Variants in ROBO2 observed in about 807,000 individuals in gnomAD.
ROBO2 encodes the protein roundabout guidance receptor 2.
A neutral mutation model predicts 160.8 loss-of-function variants in ROBO2; 53 were observed. The observed-to-expected ratio is 0.33, with a 90% CI of 0.26 to 0.41. ROBO2 has a LOEUF of 0.41. Among genes scored for constraint, ROBO2 ranks in the 10% least tolerant of loss-of-function variants. ROBO2 has a pLI of 1.00. For synonymous variants in ROBO2, 664 were observed against 611.7 expected (o/e 1.09, Z -1.26); for missense variants, 1,577 against 1,722.4 (o/e 0.92, Z 1.49).
intron 2 of ROBO2, among the ~76,000 whole-genome samples, chr3:76,310,536 C>T (rs917204988): frequency 3.9e-5 from 6 of 152,122 alleles, no homozygotes; most frequent in Admixed American, 6.5e-5. Context: ...TGTTGTTCAT[C>T]TAATAAATAT....
chr3:76,072,867 A>G (rs1037191056), intron 2 of ROBO2, among the ~76,000 whole-genome samples: 17 of 152,354 alleles, frequency 1.1e-4, no homozygotes, highest in African/African-American at 4.1e-4. Context: ...TACAAAGTTG[A>G]CAGTTGTTTC....
intron 2 of ROBO2, among the ~76,000 whole-genome samples, chr3:76,153,010 T>G (rs1020372658): frequency 6.6e-6 from 1 of 152,168 alleles, no homozygotes; most frequent in East Asian, 1.9e-4. Flanking sequence ...CAGTGATGAT[T>G]ATAATATGAT....
chr3:77,309,556 G>A lies in ROBO2; in HGVS notation c.389-167858G>A, dbSNP rs1580938640. 2.0e-5 allele frequency among the ~76,000 whole-genome samples: 3 copies of A among 152,326 alleles called. No homozygotes were observed. In the South Asian group the frequency reaches 6.2e-4, roughly 32 times the overall value. The stretch of plus-strand genomic sequence containing the variant: ...AAAGTCTCATAATTAGGGTTGCCAA[G>A]TTTAGTACATAAAAATACTTGTATT... On this transcript the variant is annotated intron_variant, in intron 2 of 25. Coordinates refer to ENST00000461745, the Ensembl canonical transcript of ROBO2.
chr3:76,988,200 C>T (rs2060487691), intron 2 of ROBO2, among the ~76,000 whole-genome samples: 1 of 152,014 alleles, frequency 6.6e-6, no homozygotes, highest in South Asian at 2.1e-4. Context: ...AAAGGTAAGG[C>T]TTTTTTGCAG....
chr3:76,318,237 A>G (rs2072211255), intron 2 of ROBO2, among the ~76,000 whole-genome samples: 1 of 152,172 alleles, frequency 6.6e-6, no homozygotes, highest in African/African-American at 2.4e-5. Flanking sequence ...CACTCTTATC[A>G]AAAGTGGGGA....
intron 2 of ROBO2, among the ~76,000 whole-genome samples, chr3:76,854,042 CTCT>C (rs2069738653): frequency 1.0e-4 from 9 of 89,166 alleles, no homozygotes; most frequent in African/African-American, 3.5e-4. Context: ...CTCTCTCTCT[CTCT>C]CTCTCTCTCT....
At chr3:76,621,395 T>A (rs1322438072) in intron 2 of ROBO2, among the ~76,000 whole-genome samples, 1 of 152,240 alleles carries the variant, frequency 6.6e-6, no homozygotes, top group Admixed American at 6.5e-5. Flanking sequence ...CATTATGTGC[T>A]GAAAATGGTT....
intron 2 of ROBO2, among the ~76,000 whole-genome samples, chr3:76,834,663 G>C (rs1267352499): frequency 6.6e-6 from 1 of 152,068 alleles, no homozygotes; most frequent in Non-Finnish European, 1.5e-5. Flanking sequence ...ATTGCATCTG[G>C]CCTAATTTTT....
intron 2 of ROBO2, among the ~76,000 whole-genome samples, chr3:77,145,876 G>T (rs758912914): frequency 1.6e-4 from 24 of 152,070 alleles, no homozygotes; most frequent in Non-Finnish European, 3.5e-4. Flanking sequence ...CTGTTTGTTG[G>T]TTGAACATTG....
intron 2 of ROBO2, among the ~76,000 whole-genome samples, chr3:77,211,359 A>T (rs866952477): frequency 1.3e-5 from 2 of 152,140 alleles, no homozygotes; most frequent in African/African-American, 4.8e-5. Flanking sequence ...GCATTTTTTC[A>T]TGTGTCTTTT....
intron 2 of ROBO2, among the ~76,000 whole-genome samples, chr3:76,174,831 G>C (rs779106935): frequency 6.6e-6 from 1 of 152,104 alleles, no homozygotes; most frequent in Admixed American, 6.6e-5. Context: ...GCTTAGGATT[G>C]TCTTGGCTAT....
chr3:77,302,068 A>G (rs72895186), intron 2 of ROBO2, among the ~76,000 whole-genome samples: 5,687 of 151,798 alleles, frequency 0.037, 347 homozygotes, highest in African/African-American at 0.13. Context: ...ACACCTGACT[A>G]ACTAAAGAAC....
At chr3:76,357,912 A>G (rs573014672) in intron 2 of ROBO2, among the ~76,000 whole-genome samples, 233 of 150,354 alleles carry the variant, frequency 1.5e-3, no homozygotes, top group African/African-American at 5.3e-3. Context: ...ATATATATAA[A>G]TTTTAAATAT....
At chr3:76,742,717 G>A (rs1022769986) in intron 2 of ROBO2, among the ~76,000 whole-genome samples, 4 of 151,724 alleles carry the variant, frequency 2.6e-5, no homozygotes, top group African/African-American at 9.7e-5. Flanking sequence ...GGATAAATAA[G>A]GACTTAACAC....
At chr3:76,444,101 G>A (rs891011676) in intron 2 of ROBO2, among the ~76,000 whole-genome samples, 1 of 151,932 alleles carries the variant, frequency 6.6e-6, no homozygotes, top group Non-Finnish European at 1.5e-5. Context: ...GAGTAGCTGG[G>A]ATTATAGGCA....
intron 2 of ROBO2, among the ~76,000 whole-genome samples, chr3:76,617,661 T>C (rs2088702010): frequency 6.6e-6 from 1 of 152,156 alleles, no homozygotes; most frequent in South Asian, 2.1e-4. Context: ...CAGCCCTTCT[T>C]CTATTCCATT....
At chr3:77,103,407 C>CTTTTTTTTT (rs11409908) in intron 2 of ROBO2, among the ~76,000 whole-genome samples, 2 of 146,650 alleles carry the variant, frequency 1.4e-5, no homozygotes. Context: ...AGAAACCAAT[C>CTTTTTTTTT]TTTTTTTTTT....
intron 2 of ROBO2, among the ~76,000 whole-genome samples, chr3:77,408,364 T>C (rs1442115823): frequency 6.6e-6 from 1 of 152,186 alleles, no homozygotes; most frequent in African/African-American, 2.4e-5. Context: ...TTTCTCTAAG[T>C]TGAAATAAAA....
chr3:76,427,258 T>A, intron 2 of ROBO2, among the ~76,000 whole-genome samples: 1 of 150,716 alleles, frequency 6.6e-6, no homozygotes, highest in East Asian at 2.0e-4. Flanking sequence ...TGACCTTTAA[T>A]GCCTAAAAAA....
Sources: gnomAD v4.1 joint callset for allele counts (sites outside exome capture counted in the v4.1 genomes callset) on GRCh38, gnomAD v4.1.1 for gene constraint, MANE v1.5 for transcripts, NCBI Gene and HGNC (gene_info 2026-07-23, HGNC 2026-07-21) for gene names.